NANS: variants seen among roughly 807,000 people sequenced by gnomAD.
NANS encodes N-acetylneuraminate-9-phosphate synthase.
In NANS, 29 loss-of-function variants were observed where a neutral mutation model predicts 33.3. The ratio of observed to expected loss-of-function variants is 0.87; its 90% CI spans 0.65 to 1.19. NANS has a LOEUF of 1.19. Among genes scored for constraint, NANS ranks in the 50% most tolerant of loss-of-function variants. The pLI is 0.00. For missense variants in NANS, 394 were observed against 461.1 expected, an observed-to-expected ratio of 0.85 and a Z score of 1.33; for synonymous variants, 163 against 177.2, an observed-to-expected ratio of 0.92 and a Z score of 0.64.
intron 2 of NANS, among the ~76,000 whole-genome samples, chr9:98,066,849 C>T (rs1338110494): frequency 1.3e-5 from 2 of 152,130 alleles, no homozygotes; most frequent in Non-Finnish European, 2.9e-5. Context: ...CAGGGTTTCA[C>T]CATGTTGACC....
At position 98,056,872 on chromosome 9, in the gene NANS, A is replaced by G; in HGVS notation, c.64A>G (p.Ile22Val). The change falls in exon 1 of 6, where the codon ATT becomes GTT. Residue 22 changes from isoleucine (I) to valine (V), a missense_variant. By Grantham distance (29) the Ile-to-Val change is conservative. Transcript: ENST00000210444. ...WVGGQHPCFI[I>V]AEIGQNHQGD... ...GGGCGGGCAACACCCGTGCTTCATC[A>G]TTGCCGAGATCGGCCAGAACCACCA... 6.2e-7 allele frequency: 1 copy of G among 1,612,182 alleles called. No individual in the cohort carries two copies. The highest frequency in any genetic ancestry group is 8.5e-7 in the Non-Finnish European group (1 of 1,179,358).
chr9:98,070,167 G>C (rs1042776401), intron 2 of NANS, among the ~76,000 whole-genome samples: 1 of 152,136 alleles, frequency 6.6e-6, no homozygotes, highest in Non-Finnish European at 1.5e-5. Flanking sequence ...ACGCAGGCTG[G>C]AGTGCAGTGG....
At chr9:98,071,410 T>C (rs1159313158) in intron 2 of NANS, among the ~76,000 whole-genome samples, 1 of 152,244 alleles carries the variant, frequency 6.6e-6, no homozygotes, top group Admixed American at 6.5e-5. Context: ...GGTATATCCA[T>C]GTGGAGGTTA....
intron 2 of NANS, chr9:98,076,250 G>A (rs1829586422): frequency 6.6e-6 from 1 of 152,168 alleles, no homozygotes; most frequent in Non-Finnish European, 1.5e-5. Context: ...AAGCCTTTGA[G>A]GCTATTCATG....
At chr9:98,077,665 G>A (rs548989026) in intron 3 of NANS, among the ~76,000 whole-genome samples, 43 of 152,278 alleles carry the variant, frequency 2.8e-4, no homozygotes, top group Admixed American at 2.6e-3. Context: ...GGACATGATC[G>A]TGTAAAGTGG....
intron 2 of NANS, 49 bp downstream of exon 2, chr9:98,061,046 C>A: frequency 1.9e-6 from 3 of 1,583,828 alleles, no homozygotes; most frequent in South Asian, 1.1e-5. Flanking sequence ...GACCAAGGGT[C>A]AGCAGGCAGC....
intron 4 of NANS, among the ~76,000 whole-genome samples, chr9:98,080,321 G>A (rs1428341724): frequency 2.0e-5 from 3 of 152,220 alleles, no homozygotes; most frequent in African/African-American, 7.2e-5. Flanking sequence ...CCATCTTAGA[G>A]TGTCTTTTGT....
At chr9:98,058,261 A>G (rs1828885132) in intron 1 of NANS, among the ~76,000 whole-genome samples, 2 of 152,198 alleles carry the variant, frequency 1.3e-5, no homozygotes, top group Admixed American at 1.3e-4. Flanking sequence ...CTAATCACTG[A>G]ATCATAAAAA....
intron 1 of NANS, among the ~76,000 whole-genome samples, chr9:98,057,842 T>C (rs1270840374): frequency 7.3e-6 from 1 of 137,214 alleles, no homozygotes; most frequent in Non-Finnish European, 1.6e-5. Flanking sequence ...TATTTATTTA[T>C]TTATCTATGT....
chr9:98,070,328 G>A (rs560649829), intron 2 of NANS, among the ~76,000 whole-genome samples: 2 of 152,144 alleles, frequency 1.3e-5, no homozygotes, highest in African/African-American at 4.8e-5. Context: ...ATGTTGACCA[G>A]GCTGGTCTTG....
intron 1 of NANS, 125 bp from the exon 2 acceptor site, chr9:98,060,657 C>G (rs757211528): frequency 2.8e-4 from 273 of 966,364 alleles, no homozygotes; most frequent in Non-Finnish European, 3.1e-4. Flanking sequence ...GGTGAAAGAG[C>G]GAAACTCTGT....
intron 2 of NANS, among the ~76,000 whole-genome samples, chr9:98,073,251 C>T (rs1409864161): frequency 6.8e-6 from 1 of 146,106 alleles, no homozygotes; most frequent in Non-Finnish European, 1.5e-5. Context: ...TCCCTGTTCT[C>T]CCCAGCTCAT....
At chr9:98,081,418 A>C in intron 5 of NANS, 1 of 254,936 alleles carries the variant, frequency 3.9e-6, no homozygotes, top group Non-Finnish European at 7.5e-6. Flanking sequence ...GGAATAAGTC[A>C]AGTCTGGGCT....
intron 2 of NANS, among the ~76,000 whole-genome samples, chr9:98,072,560 G>A (rs371039136): frequency 2.0e-3 from 303 of 152,054 alleles, no homozygotes; most frequent in African/African-American, 6.9e-3. Flanking sequence ...ACAGGTGCCC[G>A]CTACCATGCC....
rs763006773 is a variant in NANS at position 98,060,755 on chromosome 9, T to C, written c.133-27T>C. 6 of 1,608,816 alleles carry C rather than the reference T, an allele frequency of 3.7e-6. No individual in the cohort carries two copies. In the South Asian group the frequency reaches 4.4e-5, roughly 12 times the overall value. On this transcript the variant is annotated intron_variant, in intron 1 of 5. Coordinates refer to ENST00000210444, the MANE Select transcript of NANS (RefSeq NM_018946.4). ...TTTTTTGAGAATCTACGACAGTCAC[T>C]GAAAGATGTCCTAATGTGTGTTGTA... is the stretch of plus-strand genomic sequence containing the variant.
chr9:98,059,000 A>G lies in NANS; in HGVS notation c.133-1782A>G, dbSNP rs148766302. Among the ~76,000 whole-genome samples, 481 of 151,932 alleles carry G rather than the reference A, an allele frequency of 3.2e-3. 1 individual carries two copies. Among genetic ancestry groups the G allele is most frequent in the African/African-American group, 0.011 (462 of 41,436 alleles). On this transcript the variant is annotated intron_variant, in intron 1 of 5. Transcript: ENST00000210444. Reference sequence around the variant, plus strand: ...TAAGAGCAGGAGTAGTGATCTCAGCACTGACATTTCTGGACCCAAGAAGTT... The same window carrying G: ...TAAGAGCAGGAGTAGTGATCTCAGCGCTGACATTTCTGGACCCAAGAAGTT...
intron 2 of NANS, among the ~76,000 whole-genome samples, chr9:98,066,458 C>T (rs1328777329): frequency 6.6e-6 from 1 of 152,128 alleles, no homozygotes; most frequent in Non-Finnish European, 1.5e-5. Flanking sequence ...TTTTAAAGAA[C>T]AGTTTTATTG....
intron 4 of NANS, among the ~76,000 whole-genome samples, chr9:98,080,509 A>C (rs1291781376): frequency 1.3e-5 from 2 of 152,242 alleles, no homozygotes; most frequent in Non-Finnish European, 2.9e-5. Flanking sequence ...ACATTCATTT[A>C]TAGTTCTGTT....
intron 1 of NANS, among the ~76,000 whole-genome samples, chr9:98,057,445 A>G (rs891205447): frequency 3.9e-5 from 6 of 152,178 alleles, no homozygotes; most frequent in African/African-American, 1.4e-4. Context: ...GAAGTGGTTA[A>G]AAGCCGGGCC....
Sources: gnomAD v4.1 joint callset for allele counts (sites outside exome capture counted in the v4.1 genomes callset) on GRCh38, gnomAD v4.1.1 for gene constraint, MANE v1.5 for transcripts, NCBI Gene and HGNC (gene_info 2026-07-23, HGNC 2026-07-21) for gene names.